Variants in PCDH11X observed in about 807,000 individuals in gnomAD.
The protein encoded by PCDH11X is protocadherin-11 X-linked.
A neutral mutation model predicts 53.3 loss-of-function variants in PCDH11X; 18 were observed. The ratio of observed to expected loss-of-function variants is 0.34; its 90% confidence interval spans 0.23 to 0.50. The LOEUF (loss-of-function observed/expected upper bound fraction) is 0.50, where lower values mean the gene tolerates loss of function less well. Ranked by LOEUF, PCDH11X falls within the 20% of genes least tolerant of loss-of-function variation. PCDH11X has a pLI of 0.98. For missense variants in PCDH11X, 570 were observed against 1,032.4 expected (o/e 0.55, Z 6.14); for synonymous variants, 279 against 393.3 (o/e 0.71, Z 3.44).
intron 6 of PCDH11X, among the ~76,000 whole-genome samples, chrX:92,189,288 T>A (rs2066150963): frequency 9.0e-6 from 1 of 111,498 alleles, no homozygotes; most frequent in Non-Finnish European, 1.9e-5. Flanking sequence ...CATCTTCCAC[T>A]TATAAGTGAG....
chrX:91,967,763 CTATT>C (rs2061889219), intron 6 of PCDH11X, among the ~76,000 whole-genome samples: 1 of 112,341 alleles, frequency 8.9e-6, no homozygotes, highest in South Asian at 3.7e-4. Context: ...TCTGTTGTCT[CTATT>C]TATACAGATT....
intron 8 of PCDH11X, among the ~76,000 whole-genome samples, chrX:92,343,759 T>G (rs1475420935): frequency 9.0e-6 from 1 of 111,487 alleles, no homozygotes; most frequent in Non-Finnish European, 1.9e-5. Flanking sequence ...ACTGCTAAAT[T>G]TAATACCCAC....
At chrX:92,048,535 G>A (rs999840863) in intron 6 of PCDH11X, among the ~76,000 whole-genome samples, 5 of 110,509 alleles carry the variant, frequency 4.5e-5, no homozygotes, top group Non-Finnish European at 9.4e-5. Flanking sequence ...AATATACTTC[G>A]TTCTTTTTAC....
intron 6 of PCDH11X, among the ~76,000 whole-genome samples, chrX:91,945,791 G>T (rs2061565936): frequency 9.1e-6 from 1 of 110,190 alleles, no homozygotes; most frequent in South Asian, 3.9e-4. Context: ...GGATGAAACC[G>T]AACCTTTACC....
intron 4 of PCDH11X, among the ~76,000 whole-genome samples, chrX:91,823,971 A>T (rs1410886364): frequency 9.0e-6 from 1 of 110,553 alleles, no homozygotes; most frequent in African/African-American, 3.3e-5. Context: ...TGGGTTGAAA[A>T]TTCTTTCCTT....
intron 6 of PCDH11X, among the ~76,000 whole-genome samples, chrX:91,970,396 C>T (rs186441421): frequency 5.4e-5 from 6 of 111,220 alleles, no homozygotes; most frequent in East Asian, 5.7e-4. Flanking sequence ...ATTTTGACAG[C>T]GTGCTGATTG....
At chrX:91,993,584 T>A (rs1254246028) in intron 6 of PCDH11X, among the ~76,000 whole-genome samples, 1 of 111,511 alleles carries the variant, frequency 9.0e-6, no homozygotes, top group Non-Finnish European at 1.9e-5. Context: ...CATGTTAGAC[T>A]CTTGGCTTTT....
rs78588727 is a variant in PCDH11X, at chrX:92,257,427, G to C, written c.3115-5687G>C. Among the ~76,000 whole-genome samples the C allele has an allele frequency of 2.7e-5, 3 of 111,397 alleles. No individual in the cohort carries two copies. The East Asian group carries it at 8.6e-4, about 32-fold the overall frequency. ...CAAAATAAAATCATGCTTCCCAACA[G>C]TCCCCCAGTGTCTTAATTCATTCCA... is the stretch of plus-strand genomic sequence containing the variant. On this transcript the variant is annotated intron_variant, in intron 7 of 10. Transcript: ENST00000682573.
At chrX:92,275,806 G>C (rs2068075223) in intron 8 of PCDH11X, among the ~76,000 whole-genome samples, 1 of 111,328 alleles carries the variant, frequency 9.0e-6, no homozygotes, top group South Asian at 3.8e-4. Flanking sequence ...GCTGTGGGAT[G>C]GGATATTGGT....
chrX:92,447,337 T>C (rs1252850292), intron 9 of PCDH11X, among the ~76,000 whole-genome samples: 1 of 110,988 alleles, frequency 9.0e-6, no homozygotes, highest in Non-Finnish European at 1.9e-5. Flanking sequence ...CCCAGAGGTC[T>C]AGGATTTAAA....
At chrX:92,382,254 T>C (rs1314580032) in intron 8 of PCDH11X, among the ~76,000 whole-genome samples, 1 of 111,761 alleles carries the variant, frequency 8.9e-6, no homozygotes, top group Non-Finnish European at 1.9e-5. Context: ...TGACCCTACA[T>C]ATGATTACTC....
chrX:91,980,980 A>C (rs1320625915), intron 6 of PCDH11X, among the ~76,000 whole-genome samples: 1 of 52,172 alleles, frequency 1.9e-5, no homozygotes, highest in Non-Finnish European at 3.4e-5. Context: ...TATACACTGA[A>C]TATATATATA....
At chrX:92,468,052 A>T (rs1486235379) in intron 9 of PCDH11X, 1 of 133,020 alleles carries the variant, frequency 7.5e-6, no homozygotes, top group African/African-American at 3.2e-5. Context: ...GAAAGCACCA[A>T]TCATTACTTC....
At chrX:92,584,053 AAAGT>A (rs1924045244) in intron 10 of PCDH11X, among the ~76,000 whole-genome samples, 1 of 111,575 alleles carries the variant, frequency 9.0e-6, no homozygotes, top group Non-Finnish European at 1.9e-5. Context: ...AATAAATAAA[AAAGT>A]AAGAAAATAT....
At chrX:92,395,029 T>A (rs1234956621) in intron 9 of PCDH11X, among the ~76,000 whole-genome samples, 1 of 111,535 alleles carries the variant, frequency 9.0e-6, no homozygotes. Context: ...CAATAGAGAA[T>A]AGAATAGAGA....
chrX:91,867,926 A>G (rs984890885), intron 5 of PCDH11X, among the ~76,000 whole-genome samples: 2 of 111,636 alleles, frequency 1.8e-5, no homozygotes, highest in Non-Finnish European at 3.8e-5. Context: ...GGGAAAAAAG[A>G]CCCAAGTTTG....
At chrX:92,347,433 C>T (rs1569470625) in intron 8 of PCDH11X, among the ~76,000 whole-genome samples, 3 of 111,756 alleles carry the variant, frequency 2.7e-5, no homozygotes, top group African/African-American at 9.7e-5. Context: ...AAAATTTTGA[C>T]AGTTAGAAGA....
chrX:92,218,289 TAGA>T (rs1350706696), intron 7 of PCDH11X, among the ~76,000 whole-genome samples: 1 of 99,726 alleles, frequency 1.0e-5, no homozygotes, highest in Non-Finnish European at 2.0e-5. Context: ...ACAAAATTGA[TAGA>T]CCACTAGCAA....
chrX:91,889,253 T>C (rs927464456), intron 6 of PCDH11X, among the ~76,000 whole-genome samples: 1 of 111,904 alleles, frequency 8.9e-6, no homozygotes, highest in Non-Finnish European at 1.9e-5. Context: ...AACTATGAAT[T>C]GAGTGTATTT....
Sources: allele counts gnomAD v4.1 joint callset (sites outside exome capture counted in the v4.1 genomes callset), GRCh38; gene constraint gnomAD v4.1.1; transcripts MANE v1.5; gene names NCBI Gene and HGNC (gene_info 2026-07-23, HGNC 2026-07-21).